Variants in FHIT observed in about 807,000 individuals in gnomAD.
The protein encoded by FHIT is fragile histidine triad diadenosine triphosphatase, also known as bis(5'-adenosyl)-triphosphatase.
FHIT carries 19 observed loss-of-function variants against 17.9 expected under a neutral mutation model. That is an observed-to-expected ratio of 1.06 (90% confidence interval 0.74 to 1.56). FHIT has a LOEUF of 1.56. FHIT is among the 40% of genes most tolerant of loss of function. The pLI, the probability that FHIT is intolerant of heterozygous loss-of-function variation, is 0.00. For missense variants in FHIT, 248 were observed against 189.2 expected (o/e 1.31, Z -1.82); for synonymous variants, 81 against 69.7 (o/e 1.16, Z -0.81).
At chr3:60,860,186 T>A (rs1266434646) in intron 3 of FHIT, among the ~76,000 whole-genome samples, 1 of 97,136 alleles carries the variant, frequency 1.0e-5, no homozygotes, top group Non-Finnish European at 2.1e-5. Context: ...ATGGTATACA[T>A]GAGATACATC....
intron 4 of FHIT, among the ~76,000 whole-genome samples, chr3:60,621,312 C>A (rs2039122216): frequency 6.6e-6 from 1 of 151,868 alleles, no homozygotes. Flanking sequence ...CTACGCCTAG[C>A]TACTTTTTTG....
At chr3:60,094,841 G>A (rs1297158334) in intron 5 of FHIT, among the ~76,000 whole-genome samples, 4 of 151,618 alleles carry the variant, frequency 2.6e-5, no homozygotes, top group African/African-American at 9.7e-5. Flanking sequence ...GAGAAGGAGA[G>A]AGGGAGAGAA....
chr3:60,309,341 C>A (rs1459491797), intron 5 of FHIT, among the ~76,000 whole-genome samples: 2 of 151,918 alleles, frequency 1.3e-5, no homozygotes, highest in Non-Finnish European at 2.9e-5. Context: ...CCCCCATTTC[C>A]ACTTCTGACA....
At chr3:60,177,537 G>A (rs1701736065) in intron 5 of FHIT, among the ~76,000 whole-genome samples, 1 of 152,152 alleles carries the variant, frequency 6.6e-6, no homozygotes. Context: ...AACAGAAGAG[G>A]CTTACTGGGA....
chr3:61,000,816 C>T (rs1051802227), intron 3 of FHIT, among the ~76,000 whole-genome samples: 2 of 152,148 alleles, frequency 1.3e-5, no homozygotes. Flanking sequence ...GTAAAGAAGT[C>T]CAGTAGAGAC....
At chr3:60,134,387 T>C (rs569258664) in intron 5 of FHIT, among the ~76,000 whole-genome samples, 35 of 152,328 alleles carry the variant, frequency 2.3e-4, no homozygotes, top group African/African-American at 7.7e-4. Flanking sequence ...TTCACATTTA[T>C]TCCCTATCAT....
chr3:60,561,971 A>G (rs2036969750), intron 4 of FHIT, among the ~76,000 whole-genome samples: 1 of 152,088 alleles, frequency 6.6e-6, no homozygotes, highest in Non-Finnish European at 1.5e-5. Context: ...AGAGAAAGAT[A>G]ATTCTGACTC....
intron 4 of FHIT, among the ~76,000 whole-genome samples, chr3:60,718,447 T>C (rs1553707300): frequency 1.3e-5 from 2 of 152,098 alleles, no homozygotes; most frequent in South Asian, 2.1e-4. Context: ...CAGGAAAACA[T>C]GTAGATAAAT....
At chr3:60,527,498 T>G (rs1325802394) in intron 5 of FHIT, among the ~76,000 whole-genome samples, 1 of 152,306 alleles carries the variant, frequency 6.6e-6, no homozygotes, top group Admixed American at 6.5e-5. Flanking sequence ...GCCAGATGAA[T>G]TTAGCTCCTC....
intron 8 of FHIT, among the ~76,000 whole-genome samples, chr3:59,916,046 G>A (rs1307382193): frequency 6.6e-6 from 1 of 152,096 alleles, no homozygotes; most frequent in Non-Finnish European, 1.5e-5. Flanking sequence ...ATTGTTACTG[G>A]GTGTGTCTAT....
At chr3:59,880,305 G>T (rs1198989322) in intron 8 of FHIT, among the ~76,000 whole-genome samples, 2 of 152,094 alleles carry the variant, frequency 1.3e-5, no homozygotes, top group Admixed American at 1.3e-4. Flanking sequence ...CTCCTCCCTG[G>T]CTCCTTCCCT....
intron 3 of FHIT, among the ~76,000 whole-genome samples, chr3:60,917,573 G>A (rs2107298846): frequency 6.6e-6 from 1 of 152,316 alleles, no homozygotes; most frequent in Middle Eastern, 3.4e-3. Context: ...CCTCTATCAA[G>A]CACATTCCCA....
chr3:60,768,706 C>T (rs1311890088), intron 4 of FHIT, among the ~76,000 whole-genome samples: 1 of 152,204 alleles, frequency 6.6e-6, no homozygotes, highest in Non-Finnish European at 1.5e-5. Context: ...GAAACAGAAA[C>T]CTGTCATGCC....
chr3:60,346,672 A>C (rs1241241083), intron 5 of FHIT, among the ~76,000 whole-genome samples: 1 of 152,214 alleles, frequency 6.6e-6, no homozygotes, highest in East Asian at 1.9e-4. Context: ...TGGTGGTGTG[A>C]CAAGAACCCA....
At chr3:60,399,207 T>G (rs764229269) in intron 5 of FHIT, among the ~76,000 whole-genome samples, 4 of 152,188 alleles carry the variant, frequency 2.6e-5, no homozygotes, top group Non-Finnish European at 4.4e-5. Context: ...ATCTGCTTTA[T>G]TAACTTCAAG....
At chr3:60,326,285 G>T (rs1211767759) in intron 5 of FHIT, among the ~76,000 whole-genome samples, 2 of 152,002 alleles carry the variant, frequency 1.3e-5, no homozygotes, top group African/African-American at 4.8e-5. Flanking sequence ...GAATCAATGG[G>T]AGTCCTGAGC....
At chr3:60,936,074 T>C (rs78693890) in intron 3 of FHIT, among the ~76,000 whole-genome samples, 15,172 of 152,196 alleles carry the variant, frequency 0.1, 1,041 homozygotes, top group East Asian at 0.22. Flanking sequence ...TGAAAGTCAG[T>C]CAATCACTCA....
intron 5 of FHIT, among the ~76,000 whole-genome samples, chr3:60,049,242 C>T (rs1024089024): frequency 6.6e-6 from 1 of 152,098 alleles, no homozygotes; most frequent in Non-Finnish European, 1.5e-5. Flanking sequence ...CATCATTATG[C>T]TTTTGAAAAC....
chr3:60,738,061 AC>A (rs1284714174), intron 4 of FHIT, among the ~76,000 whole-genome samples: 1 of 152,086 alleles, frequency 6.6e-6, no homozygotes, highest in African/African-American at 2.4e-5. Context: ...CGGCTGTGGG[AC>A]TCTGCATACT....
Sources: allele counts gnomAD v4.1 joint callset (sites outside exome capture counted in the v4.1 genomes callset), GRCh38; gene constraint gnomAD v4.1.1; transcripts MANE v1.5; gene names NCBI Gene and HGNC (gene_info 2026-07-23, HGNC 2026-07-21).